The following THRB variants were observed in gnomAD, a reference collection of about 807,000 sequenced individuals.
THRB encodes nuclear receptor subfamily 1 group A member 2.
Under a neutral mutation model 47.8 loss-of-function variants are expected in THRB, and 12 were observed. That is an observed-to-expected ratio of 0.25 (90% confidence interval 0.16 to 0.41). THRB has a LOEUF of 0.41. THRB is among the 10% of genes least tolerant of loss of function. The pLI is 1.00. For synonymous variants in THRB, 218 were observed against 212.2 expected (o/e 1.03, Z -0.24); for missense variants, 348 against 589.2 (o/e 0.59, Z 4.24).
intron 2 of THRB, among the ~76,000 whole-genome samples, chr3:24,335,518 CTT>C (rs1464169516): frequency 6.6e-6 from 1 of 152,094 alleles, no homozygotes; most frequent in Non-Finnish European, 1.5e-5. Flanking sequence ...TTATTTTCCT[CTT>C]TGTTTTTATT....
intron 4 of THRB, among the ~76,000 whole-genome samples, chr3:24,228,360 A>G (rs2047891570): frequency 6.6e-6 from 1 of 152,216 alleles, no homozygotes; most frequent in African/African-American, 2.4e-5. Flanking sequence ...ACCTAATCAT[A>G]TTCCATTCTG....
intron 5 of THRB, among the ~76,000 whole-genome samples, chr3:24,154,820 G>C (rs1299336973): frequency 6.6e-6 from 1 of 152,140 alleles, no homozygotes; most frequent in African/African-American, 2.4e-5. Context: ...TAATCCAACA[G>C]AATGAAGACT....
intron 4 of THRB, among the ~76,000 whole-genome samples, chr3:24,218,270 A>G (rs7615574): frequency 0.02 from 2,981 of 151,840 alleles, 81 homozygotes; most frequent in African/African-American, 0.058. Flanking sequence ...TCTGTCTCAA[A>G]AAAAAACAAA....
intron 3 of THRB, among the ~76,000 whole-genome samples, chr3:24,254,666 T>C (rs1431059476): frequency 2.0e-5 from 3 of 152,230 alleles, no homozygotes; most frequent in Non-Finnish European, 2.9e-5. Context: ...TCAGGGTTTT[T>C]CCTCTTCTTC....
intron 9 of THRB, among the ~76,000 whole-genome samples, chr3:24,132,481 A>G (rs1012056877): frequency 6.6e-6 from 1 of 152,244 alleles, no homozygotes; most frequent in African/African-American, 2.4e-5. Context: ...ATCCCACTTA[A>G]AAAACCTTTC....
At chr3:24,447,543 T>C (rs2072218733) in intron 1 of THRB, among the ~76,000 whole-genome samples, 1 of 152,186 alleles carries the variant, frequency 6.6e-6, no homozygotes, top group Non-Finnish European at 1.5e-5. Flanking sequence ...ATTTTCATGA[T>C]GACACAGGGA....
chr3:24,473,391 A>G (rs1694984884), intron 1 of THRB, among the ~76,000 whole-genome samples: 1 of 152,202 alleles, frequency 6.6e-6, no homozygotes, highest in Non-Finnish European at 1.5e-5. Context: ...TAAATGAGAT[A>G]CCATCTCACA....
At chr3:24,185,304 C>T (rs2149520054) in intron 5 of THRB, among the ~76,000 whole-genome samples, 1 of 152,148 alleles carries the variant, frequency 6.6e-6, no homozygotes, top group Middle Eastern at 3.4e-3. Flanking sequence ...AATGGTATGC[C>T]TAGTATGATC....
chr3:24,445,767 A>T (rs2072013607), intron 1 of THRB, among the ~76,000 whole-genome samples: 1 of 152,184 alleles, frequency 6.6e-6, no homozygotes, highest in African/African-American at 2.4e-5. Context: ...TCCAATAGAA[A>T]CAATTAAGAA....
chr3:24,438,491 C>T (rs1282388327), intron 1 of THRB, among the ~76,000 whole-genome samples: 2 of 141,712 alleles, frequency 1.4e-5, no homozygotes. Context: ...ATGCCATTGT[C>T]AGAGAGAACA....
At chr3:24,191,380 G>A (rs1476073915) in intron 4 of THRB, among the ~76,000 whole-genome samples, 1 of 151,858 alleles carries the variant, frequency 6.6e-6, no homozygotes, top group Non-Finnish European at 1.5e-5. Flanking sequence ...ATATAAATAT[G>A]TGAGTCCTCC....
At chr3:24,483,709 T>C (rs1696824065) in intron 1 of THRB, among the ~76,000 whole-genome samples, 2 of 152,178 alleles carry the variant, frequency 1.3e-5, no homozygotes, top group African/African-American at 2.4e-5. Flanking sequence ...TTAGGTCAGA[T>C]AGGAGGGTGG....
chr3:24,136,945 T>G (rs2034759234), intron 8 of THRB, among the ~76,000 whole-genome samples: 1 of 152,206 alleles, frequency 6.6e-6, no homozygotes, highest in Admixed American at 6.5e-5. Flanking sequence ...GTCTCTCATC[T>G]CTGTCTTTTC....
intron 2 of THRB, among the ~76,000 whole-genome samples, chr3:24,334,082 C>T (rs1487498385): frequency 6.6e-6 from 1 of 152,188 alleles, no homozygotes; most frequent in Admixed American, 6.5e-5. Flanking sequence ...CACTTTACTA[C>T]CTGACTTTTA....
At chr3:24,201,054 G>C (rs960351791) in intron 4 of THRB, among the ~76,000 whole-genome samples, 4 of 152,028 alleles carry the variant, frequency 2.6e-5, no homozygotes, top group Non-Finnish European at 1.5e-5. Flanking sequence ...TGTCTTCTAC[G>C]TGCCTGTCTT....
At chr3:24,442,745 A>G (rs1389614319) in intron 1 of THRB, among the ~76,000 whole-genome samples, 2 of 151,494 alleles carry the variant, frequency 1.3e-5, no homozygotes, top group Non-Finnish European at 2.9e-5. Context: ...AATTGCTTGA[A>G]CCTGGGAGGC....
chr3:24,348,102 C>T lies in THRB; in HGVS notation c.-260-10731G>A, dbSNP rs539122650. On this transcript the variant is annotated intron_variant, in intron 1 of 10. Transcript: ENST00000646209. ...AAAAGTAAACAAAGTGTTAGCAGAC[C>T]GAATCCTGAGATAATTTTAAAAGGA... 8.5e-5 allele frequency among the ~76,000 whole-genome samples: 13 copies of T among 152,120 alleles called. No homozygotes were observed. The South Asian group carries it at 1.0e-3, about 12-fold the overall frequency.
intron 1 of THRB, among the ~76,000 whole-genome samples, chr3:24,492,270 T>C (rs1276413040): frequency 4.6e-5 from 7 of 152,228 alleles, no homozygotes; most frequent in Non-Finnish European, 1.0e-4. Context: ...ATGGATTCGA[T>C]ATTCTAGGCA....
At chr3:24,226,351 A>G (rs12491199) in intron 4 of THRB, among the ~76,000 whole-genome samples, 31,121 of 152,154 alleles carry the variant, frequency 0.2, 3,398 homozygotes, top group East Asian at 0.38. Context: ...GCCCACTGCA[A>G]TCGAAGGAGG....
Sources: gnomAD v4.1 joint callset for allele counts (sites outside exome capture counted in the v4.1 genomes callset) on GRCh38, gnomAD v4.1.1 for gene constraint, MANE v1.5 for transcripts, NCBI Gene and HGNC (gene_info 2026-07-23, HGNC 2026-07-21) for gene names.